The following GNB1L variants were observed in gnomAD, a reference collection of about 807,000 sequenced individuals.
The protein encoded by GNB1L is G protein subunit beta 1 like.
GNB1L carries 20 observed loss-of-function variants against 29.1 expected under a neutral mutation model. That is an observed-to-expected ratio of 0.69 (90% confidence interval 0.48 to 1.00). The LOEUF is 1.00. Ranked by LOEUF, GNB1L falls within the 50% of genes least tolerant of loss-of-function variation. GNB1L has a pLI of 0.00. For synonymous variants in GNB1L, 193 were observed against 206.5 expected (o/e 0.93, Z 0.56); for missense variants, 421 against 464.9 (o/e 0.91, Z 0.87).
At position 19,800,337 on chromosome 22, in the gene GNB1L, CG is replaced by C. The variant is rs988269326; in HGVS notation, c.732+1663del. Among the ~76,000 whole-genome samples, 4 of 152,140 alleles carry C rather than the reference CG, an allele frequency of 2.6e-5. No homozygotes were observed. The South Asian group carries it at 6.2e-4, about 24-fold the overall frequency. On this transcript the variant is annotated intron_variant, in intron 7 of 7. Coordinates refer to ENST00000329517, the MANE Select transcript of GNB1L (RefSeq NM_053004.3). ...GTGGAAACTGCAGAGAAGAGCCCTC[CG>C]GGGGCTCTCAGGGAAGCTGTCTGGG...
intron 4 of GNB1L, 130 bp from the exon 5 acceptor site, chr22:19,812,577 T>C: frequency 1.2e-6 from 1 of 858,968 alleles, no homozygotes; most frequent in Non-Finnish European, 1.8e-6. Flanking sequence ...TCATCGCAGG[T>C]CGGGAGCCTC....
intron 7 of GNB1L, among the ~76,000 whole-genome samples, chr22:19,801,401 C>T (rs1320171001): frequency 1.3e-5 from 2 of 152,010 alleles, no homozygotes; most frequent in Admixed American, 1.3e-4. Flanking sequence ...CCCTCCCATC[C>T]CAAACAGGGC....
rs1937525046 is a variant in GNB1L at position 19,816,557 on chromosome 22, C to T, written c.254+4041G>A. Among the ~76,000 whole-genome samples, 1 of 152,150 alleles carries T rather than the reference C, an allele frequency of 6.6e-6. No homozygotes were observed. Among genetic ancestry groups the T allele is most frequent in the Non-Finnish European group, 1.5e-5 (1 of 68,022 alleles). On this transcript the variant is annotated intron_variant, in intron 4 of 7. Coordinates refer to ENST00000329517, the MANE Select transcript of GNB1L (RefSeq NM_053004.3). The surrounding 1 kb of genome is among the most constrained non-coding windows in gnomAD (Gnocchi z 4.4). ...AGAGTGTGCCCCAGCCACCAGGCCC[C>T]TCCGCACACGGGCTAGGGAACACAC...
intron 2 of GNB1L, among the ~76,000 whole-genome samples, chr22:19,842,392 G>C (rs1426947398): frequency 6.6e-6 from 1 of 152,206 alleles, no homozygotes; most frequent in Non-Finnish European, 1.5e-5. Context: ...GAGTCAGTGG[G>C]GGCAGTCAGA....
chr22:19,835,628 C>T (rs1225194091), intron 2 of GNB1L, among the ~76,000 whole-genome samples: 2 of 151,782 alleles, frequency 1.3e-5, no homozygotes, highest in Non-Finnish European at 2.9e-5. Flanking sequence ...GAGTCAAGAT[C>T]GCGCCACTGC....
chr22:19,850,951 C>G, intron 2 of GNB1L: 1 of 1,374,020 alleles, frequency 7.3e-7, no homozygotes, highest in Non-Finnish European at 9.4e-7. Flanking sequence ...AGAGAGCCAG[C>G]AGCAGGGAAA....
At position 19,826,991 on chromosome 22, in the gene GNB1L, C is replaced by T. The variant is rs142258365; in HGVS notation, c.-20-5616G>A. 2.4e-3 allele frequency among the ~76,000 whole-genome samples: 368 copies of T among 152,140 alleles called. 2 individuals are homozygous for T. The highest frequency in any genetic ancestry group is 8.6e-3 in the African/African-American group (356 of 41,494). On this transcript the variant is annotated intron_variant, in intron 2 of 7. Coordinates refer to ENST00000329517, the MANE Select transcript of GNB1L (RefSeq NM_053004.3). ...GCTGGGTAACTTCCACATTAAGAGA[C>T]CAAAGGGGCATGATGACCAAACATG...
chr22:19,839,994 T>C (rs1406550569), intron 2 of GNB1L, among the ~76,000 whole-genome samples: 17 of 151,604 alleles, frequency 1.1e-4, no homozygotes, highest in Non-Finnish European at 8.8e-5. Flanking sequence ...GCCCGTGGAG[T>C]TTGAGACTGC....
At position 19,793,064 on chromosome 22, in the gene GNB1L, G is replaced by A. The variant is rs1937269824; in HGVS notation, c.733-4104C>T. Reference sequence around the variant, plus strand: ...GTATCGCCAAGCTCGAAAAGGCAAAGGCTAAAGAACTTGCCACTAAACTGG... The same window carrying A: ...GTATCGCCAAGCTCGAAAAGGCAAAAGCTAAAGAACTTGCCACTAAACTGG... On this transcript the variant is annotated intron_variant, in intron 7 of 7. Coordinates refer to ENST00000329517, the MANE Select transcript of GNB1L (RefSeq NM_053004.3). The A allele has an allele frequency of 1.1e-5, 18 of 1,593,592 alleles. No individual in the cohort carries two copies. The South Asian group carries it at 1.8e-4, about 16-fold the overall frequency.
intron 2 of GNB1L, chr22:19,848,399 T>A: frequency 2.0e-6 from 2 of 985,382 alleles, no homozygotes; most frequent in Non-Finnish European, 2.4e-6. Context: ...GGGGAATGCC[T>A]CCTTCCCCCA....
chr22:19,821,159 G>C lies in GNB1L; in HGVS notation c.128+69C>G, dbSNP rs1455270155. 5.4e-6 allele frequency: 8 copies of C among 1,480,064 alleles called. No individual in the cohort carries two copies. The East Asian group carries it at 1.6e-4, about 29-fold the overall frequency. 91.7% of individuals were successfully genotyped at this position (1,480,064 alleles called of 1,614,324 possible). ...GCCAGCACCCTCAAACAAGCGCTGG[G>C]CTCCTTGCTAGCTCACGACCTCCTG... On this transcript the variant is annotated intron_variant, in intron 3 of 7. Coordinates refer to ENST00000329517, the MANE Select transcript of GNB1L (RefSeq NM_053004.3).
At chr22:19,820,938 G>T (rs1322015220) in intron 3 of GNB1L, among the ~76,000 whole-genome samples, 2 of 152,224 alleles carry the variant, frequency 1.3e-5, no homozygotes, top group Non-Finnish European at 2.9e-5. Context: ...GCCTCTAGGG[G>T]TAACTCAGGC....
At chr22:19,826,171 TG>T (rs1481098505) in intron 2 of GNB1L, among the ~76,000 whole-genome samples, 1 of 152,156 alleles carries the variant, frequency 6.6e-6, no homozygotes, top group East Asian at 1.9e-4. Context: ...CATCCTATGG[TG>T]GCTAACCTCC....
chr22:19,844,241 C>T (rs1031591142), intron 2 of GNB1L, among the ~76,000 whole-genome samples: 1 of 152,216 alleles, frequency 6.6e-6, no homozygotes, highest in Admixed American at 6.5e-5. Context: ...TGGCGTGATT[C>T]GTTCCCGAGC....
At chr22:19,843,143 C>G (rs897237275) in intron 2 of GNB1L, among the ~76,000 whole-genome samples, 1 of 152,190 alleles carries the variant, frequency 6.6e-6, no homozygotes, top group Non-Finnish European at 1.5e-5. Flanking sequence ...CTCTAAGCCA[C>G]GGGATAAAGG....
intron 2 of GNB1L, chr22:19,849,607 T>C (rs1938048102): frequency 1.2e-6 from 1 of 804,040 alleles, no homozygotes; most frequent in African/African-American, 1.9e-5. Context: ...CCTCAGGTGA[T>C]CCACCCACCT....
intron 2 of GNB1L, among the ~76,000 whole-genome samples, chr22:19,832,054 G>T (rs10427769): frequency 0.27 from 40,472 of 152,042 alleles, 5,489 homozygotes; most frequent in East Asian, 0.33. Flanking sequence ...CTAAGGCTGG[G>T]CACAGTGGCT....
At chr22:19,850,666 C>T (rs1053445713) in intron 2 of GNB1L, 5 of 1,229,814 alleles carry the variant, frequency 4.1e-6, no homozygotes, top group Middle Eastern at 3.1e-4. Flanking sequence ...GCCTTCCTCA[C>T]ATTCCAGCTG....
intron 4 of GNB1L, among the ~76,000 whole-genome samples, chr22:19,820,154 G>A (rs1937566693): frequency 6.6e-6 from 1 of 152,128 alleles, no homozygotes; most frequent in South Asian, 2.1e-4. Flanking sequence ...CAGTGGGCAG[G>A]GAGGCCCTCC....
Sources: gnomAD v4.1 joint callset for allele counts (sites outside exome capture counted in the v4.1 genomes callset) on GRCh38, gnomAD v4.1.1 for gene constraint, Gnocchi (gnomAD v3.1) non-coding constraint, MANE v1.5 for transcripts, NCBI Gene and HGNC (gene_info 2026-07-23, HGNC 2026-07-21) for gene names.